C8orf34: variants seen among roughly 807,000 people sequenced by gnomAD.
C8orf34 encodes the protein chromosome 8 open reading frame 34.
Under a neutral mutation model 68.3 loss-of-function variants are expected in C8orf34, and 65 were observed. The observed-to-expected ratio is 0.95, with a 90% CI of 0.78 to 1.17. C8orf34 has a LOEUF of 1.17. C8orf34 is among the 50% of genes most tolerant of loss of function. The probability of loss-of-function intolerance (pLI) is 0.00; values close to 1 mark genes in which losing one functional copy is unlikely to be tolerated. For synonymous variants in C8orf34, 244 were observed against 241.2 expected (o/e 1.01, Z -0.11); for missense variants, 664 against 655.4 (o/e 1.01, Z -0.14).
At chr8:68,723,011 A>G (rs1267998946) in intron 10 of C8orf34, among the ~76,000 whole-genome samples, 1 of 152,080 alleles carries the variant, frequency 6.6e-6, no homozygotes, top group African/African-American at 2.4e-5. Context: ...ATAGATAAGG[A>G]AACAGAAATT....
At chr8:68,783,895 A>G (rs565003685) in intron 11 of C8orf34, among the ~76,000 whole-genome samples, 2 of 152,346 alleles carry the variant, frequency 1.3e-5, no homozygotes, top group South Asian at 4.1e-4. Context: ...TATTAAAAAT[A>G]AACTTTTTTA....
chr8:68,637,593 C>T (rs1475641975), intron 7 of C8orf34, among the ~76,000 whole-genome samples: 1 of 152,092 alleles, frequency 6.6e-6, no homozygotes, highest in East Asian at 1.9e-4. Context: ...CAAGGCTGTT[C>T]ATTAGTTGGG....
At chr8:68,476,977 A>T (rs968136154) in intron 4 of C8orf34, among the ~76,000 whole-genome samples, 3 of 152,120 alleles carry the variant, frequency 2.0e-5, no homozygotes, top group African/African-American at 4.8e-5. Context: ...AATTTTCCTG[A>T]TAGCCCTTAT....
chr8:68,483,541 T>G (rs1054932242), intron 4 of C8orf34, among the ~76,000 whole-genome samples: 2 of 152,160 alleles, frequency 1.3e-5, no homozygotes, highest in Non-Finnish European at 2.9e-5. Context: ...AAGGTTGTTT[T>G]GACCTAATGG....
intron 8 of C8orf34, among the ~76,000 whole-genome samples, chr8:68,699,467 G>A (rs1429283035): frequency 2.0e-5 from 3 of 151,958 alleles, no homozygotes. Context: ...CCTTTCTTTG[G>A]GCTGCCTCAG....
At chr8:68,514,965 AG>A (rs1353855106) in intron 5 of C8orf34, among the ~76,000 whole-genome samples, 1 of 152,144 alleles carries the variant, frequency 6.6e-6, no homozygotes, top group Non-Finnish European at 1.5e-5. Context: ...CAAAATGAAC[AG>A]GGGGGAATGG....
chr8:68,750,123 A>G (rs1332686850), intron 10 of C8orf34, among the ~76,000 whole-genome samples: 2 of 152,210 alleles, frequency 1.3e-5, no homozygotes, highest in Non-Finnish European at 2.9e-5. Context: ...TCCTAGGAAT[A>G]TATCCAAACA....
At chr8:68,673,241 G>A (rs1368434190) in intron 8 of C8orf34, among the ~76,000 whole-genome samples, 1 of 152,112 alleles carries the variant, frequency 6.6e-6, no homozygotes, top group East Asian at 1.9e-4. Context: ...AAGAAAAGGA[G>A]AGGGAAGAGT....
At chr8:68,708,723 C>A (rs1275029562) in intron 8 of C8orf34, among the ~76,000 whole-genome samples, 1 of 152,178 alleles carries the variant, frequency 6.6e-6, no homozygotes, top group African/African-American at 2.4e-5. Context: ...TGCTTCTAAA[C>A]CTTTCTACGG....
chr8:68,348,505 T>G (rs1339794640), intron 1 of C8orf34, among the ~76,000 whole-genome samples: 1 of 151,864 alleles, frequency 6.6e-6, no homozygotes, highest in African/African-American at 2.4e-5. Context: ...TGAAGAACAT[T>G]GTTGGCAGTT....
At chr8:68,344,801 A>G (rs904077668) in intron 1 of C8orf34, among the ~76,000 whole-genome samples, 4 of 152,138 alleles carry the variant, frequency 2.6e-5, no homozygotes, top group African/African-American at 7.2e-5. Context: ...ATCTAAGAGC[A>G]AAATATGTGT....
chr8:68,399,542 T>G (rs748831177), intron 1 of C8orf34, among the ~76,000 whole-genome samples: 1 of 152,166 alleles, frequency 6.6e-6, no homozygotes, highest in Admixed American at 6.6e-5. Context: ...TATCATGTTT[T>G]CTTTATTCAG....
At chr8:68,505,891 T>C (rs1813999115) in intron 5 of C8orf34, among the ~76,000 whole-genome samples, 1 of 152,174 alleles carries the variant, frequency 6.6e-6, no homozygotes, top group South Asian at 2.1e-4. Context: ...AATATATATT[T>C]TTTTACTTTC....
intron 1 of C8orf34, among the ~76,000 whole-genome samples, chr8:68,369,646 C>T (rs1359925943): frequency 1.3e-5 from 2 of 152,172 alleles, no homozygotes; most frequent in East Asian, 1.9e-4. Flanking sequence ...CCACTTCAGT[C>T]TCATGAGCAA....
At chr8:68,705,590 G>T (rs1821140098) in intron 8 of C8orf34, among the ~76,000 whole-genome samples, 2 of 152,124 alleles carry the variant, frequency 1.3e-5, no homozygotes. Flanking sequence ...AATTAAAACA[G>T]GTTGAGGAGT....
intron 7 of C8orf34, among the ~76,000 whole-genome samples, chr8:68,628,359 C>A (rs768109116): frequency 3.3e-5 from 5 of 152,026 alleles, no homozygotes; most frequent in Admixed American, 6.6e-5. Context: ...AGAAACATGG[C>A]CTGAACATCT....
intron 8 of C8orf34, among the ~76,000 whole-genome samples, chr8:68,647,923 G>A (rs1359641576): frequency 2.6e-5 from 4 of 152,118 alleles, no homozygotes; most frequent in Admixed American, 6.6e-5. Flanking sequence ...TGGCAAGTGG[G>A]AAAATGTATG....
chr8:68,537,160 T>C (rs1338925388), intron 7 of C8orf34, among the ~76,000 whole-genome samples: 1 of 152,034 alleles, frequency 6.6e-6, no homozygotes, highest in Non-Finnish European at 1.5e-5. Flanking sequence ...TTTTGCCTAA[T>C]GAGAAATGAA....
intron 1 of C8orf34, among the ~76,000 whole-genome samples, chr8:68,400,644 TC>T (rs1764096656): frequency 6.6e-6 from 1 of 152,150 alleles, no homozygotes; most frequent in South Asian, 2.1e-4. Context: ...CACAGCAGCC[TC>T]CAACTCCTGG....
Sources: allele counts gnomAD v4.1 joint callset (sites outside exome capture counted in the v4.1 genomes callset), GRCh38; gene constraint gnomAD v4.1.1; transcripts MANE v1.5; gene names NCBI Gene and HGNC (gene_info 2026-07-23, HGNC 2026-07-21).